SRFBP1: variants seen among roughly 807,000 people sequenced by gnomAD.
SRFBP1 encodes serum response factor binding protein 1.
In SRFBP1, 47 loss-of-function variants were observed where a neutral mutation model predicts 45.5. The ratio of observed to expected loss-of-function variants is 1.03; its 90% confidence interval spans 0.82 to 1.32. The LOEUF (loss-of-function observed/expected upper bound fraction) is 1.32. Ranked by LOEUF, SRFBP1 falls within the 40% of genes most tolerant of loss-of-function variation. SRFBP1 has a pLI of 0.00. For missense variants in SRFBP1, 621 were observed against 484.6 expected, an observed-to-expected ratio of 1.28 and a Z score of -2.64; for synonymous variants, 203 against 166.3, an observed-to-expected ratio of 1.22 and a Z score of -1.70.
intron 2 of SRFBP1, among the ~76,000 whole-genome samples, chr5:122,038,418 G>T (rs574721959): frequency 6.6e-6 from 1 of 152,296 alleles, no homozygotes; most frequent in Non-Finnish European, 1.5e-5. Context: ...TGGGCCACAT[G>T]GTTCCTAACC....
chr5:121,969,551 T>C (rs1752146364), intron 1 of SRFBP1, among the ~76,000 whole-genome samples: 1 of 152,126 alleles, frequency 6.6e-6, no homozygotes, highest in Non-Finnish European at 1.5e-5. Flanking sequence ...ACTTTATTTA[T>C]AGTATTTTTA....
At chr5:121,974,116 C>T in intron 1 of SRFBP1, 80 bp from the exon 2 acceptor site, 1 of 961,344 alleles carries the variant, frequency 1.0e-6, no homozygotes. Context: ...GACTAAGTCT[C>T]AAATATTAAG....
intron 7 of SRFBP1, among the ~76,000 whole-genome samples, chr5:122,025,995 C>T (rs559006440): frequency 2.4e-4 from 36 of 152,276 alleles, no homozygotes; most frequent in Admixed American, 1.2e-3. Flanking sequence ...GAGGCTGAGG[C>T]AGGAGAATTG....
chr5:122,033,392 G>A (rs191390888), downstream of SRFBP1, among the ~76,000 whole-genome samples: 9 of 151,720 alleles, frequency 5.9e-5, no homozygotes, highest in East Asian at 1.5e-3. Flanking sequence ...TTTTACAAAT[G>A]TATTGAGAAA....
At chr5:121,990,636 A>G (rs1461183157) in intron 3 of SRFBP1, among the ~76,000 whole-genome samples, 1 of 152,192 alleles carries the variant, frequency 6.6e-6, no homozygotes, top group Non-Finnish European at 1.5e-5. Flanking sequence ...GTTCTGTTCA[A>G]CATGTGTCAT....
intron 2 of SRFBP1, among the ~76,000 whole-genome samples, chr5:122,069,413 A>C (rs1384487386): frequency 6.6e-6 from 1 of 152,080 alleles, no homozygotes; most frequent in African/African-American, 2.4e-5. Context: ...ATGCAGTCAA[A>C]CCTACCCAAC....
At chr5:122,070,300 G>A (rs1275907112) in intron 2 of SRFBP1, 9 of 666,542 alleles carry the variant, frequency 1.4e-5, no homozygotes, top group East Asian at 1.1e-4. Context: ...CTCTGGAGAC[G>A]TTATGGAAAG....
chr5:122,029,221 A>C (rs1753553479), downstream of SRFBP1, among the ~76,000 whole-genome samples: 1 of 152,138 alleles, frequency 6.6e-6, no homozygotes, highest in South Asian at 2.1e-4. Context: ...AGAATTTTAT[A>C]GCCCAAAATG....
At chr5:121,982,024 G>A (rs1283116740) in intron 3 of SRFBP1, among the ~76,000 whole-genome samples, 1 of 151,698 alleles carries the variant, frequency 6.6e-6, no homozygotes, top group Non-Finnish European at 1.5e-5. Context: ...AGTCTCTAAA[G>A]ATAAATGGAA....
chr5:121,998,536 G>T (rs1752783269), intron 4 of SRFBP1, among the ~76,000 whole-genome samples: 1 of 111,682 alleles, frequency 9.0e-6, no homozygotes. Context: ...GAGGGGGGAG[G>T]GATAGCATTG....
At chr5:121,972,365 A>G (rs981171962) in intron 1 of SRFBP1, among the ~76,000 whole-genome samples, 3 of 151,936 alleles carry the variant, frequency 2.0e-5, no homozygotes, top group Non-Finnish European at 4.4e-5. Flanking sequence ...ATTGAAAGAG[A>G]GAAAGGAGGA....
chr5:122,077,694 G>C, downstream of SRFBP1: 1 of 1,597,140 alleles, frequency 6.3e-7, no homozygotes, highest in Non-Finnish European at 8.5e-7. This position sits in a 1 kb window ranked among gnomAD's most constrained non-coding sequence, Gnocchi z 4.9. Flanking sequence ...GCGGCGGTGC[G>C]GTTGTCGCGG....
At chr5:121,982,427 A>G (rs1291152154) in intron 3 of SRFBP1, among the ~76,000 whole-genome samples, 1 of 151,922 alleles carries the variant, frequency 6.6e-6, no homozygotes, top group South Asian at 2.1e-4. Context: ...TGTATAGGTC[A>G]TATTCCTGAA....
chr5:121,986,383 G>A (rs550461207), intron 3 of SRFBP1, among the ~76,000 whole-genome samples: 1 of 152,052 alleles, frequency 6.6e-6, no homozygotes, highest in Non-Finnish European at 1.5e-5. Context: ...GAGTTGGAGA[G>A]AAAAATAAAG....
Position 121,967,277 on chromosome 5 carries a change from G to A in SRFBP1, c.36+5209G>A, listed in dbSNP as rs10054893. Among the ~76,000 whole-genome samples, 1,215 of 152,280 alleles carry A rather than the reference G, an allele frequency of 8.0e-3. 5 individuals are homozygous for A. Among genetic ancestry groups the A allele is most frequent in the South Asian group, 0.013 (64 of 4,830 alleles). Reference sequence around the variant, plus strand: ...GCTTATGAAGTTACAAAACGCTTGTGTCGTGATTAGGTGCATAGTACTTTT... The same window carrying A: ...GCTTATGAAGTTACAAAACGCTTGTATCGTGATTAGGTGCATAGTACTTTT... On this transcript the variant is annotated intron_variant, in intron 1 of 7. Coordinates refer to ENST00000339397, the MANE Select transcript of SRFBP1 (RefSeq NM_152546.3).
intron 3 of SRFBP1, among the ~76,000 whole-genome samples, chr5:121,978,476 G>A (rs143339382): frequency 5.3e-5 from 8 of 152,132 alleles, no homozygotes; most frequent in East Asian, 1.9e-4. Context: ...AATATACACA[G>A]TAGCCTATAT....
At chr5:122,045,298 G>A (rs190352131) in intron 2 of SRFBP1, among the ~76,000 whole-genome samples, 115 of 152,140 alleles carry the variant, frequency 7.6e-4, no homozygotes, top group African/African-American at 2.3e-3. Flanking sequence ...TGATGCCTCC[G>A]TCTTTGTTCT....
chr5:121,967,652 G>A (rs908217360), intron 1 of SRFBP1, among the ~76,000 whole-genome samples: 2 of 152,136 alleles, frequency 1.3e-5, no homozygotes, highest in Non-Finnish European at 2.9e-5. Context: ...GGGCGACATG[G>A]TGAAACCCCG....
intron 3 of SRFBP1, among the ~76,000 whole-genome samples, chr5:121,976,271 G>A (rs917368253): frequency 3.3e-5 from 5 of 151,992 alleles, no homozygotes; most frequent in African/African-American, 9.6e-5. Context: ...TTGATATGAA[G>A]TATATTTGTT....
Sources: allele counts gnomAD v4.1 joint callset (sites outside exome capture counted in the v4.1 genomes callset), GRCh38; gene constraint gnomAD v4.1.1; non-coding constraint Gnocchi (gnomAD v3.1); transcripts MANE v1.5; gene names NCBI Gene and HGNC (gene_info 2026-07-23, HGNC 2026-07-21).